The following NEK1 variants were observed in gnomAD, a reference collection of about 807,000 sequenced individuals.
The protein encoded by NEK1 is NIMA related kinase 1.
A neutral mutation model predicts 182.1 loss-of-function variants in NEK1; 137 were observed. The observed-to-expected ratio is 0.75, with a 90% CI of 0.65 to 0.87. NEK1 has a LOEUF of 0.87. Ranked by LOEUF, NEK1 falls within the 40% of genes least tolerant of loss-of-function variation. The pLI is 0.00. For missense variants in NEK1, 1,391 were observed against 1,494.4 expected (o/e 0.93, Z 1.14); for synonymous variants, 513 against 492.2 (o/e 1.04, Z -0.56).
chr4:169,470,973 A>G (rs1328225721), intron 26 of NEK1, among the ~76,000 whole-genome samples: 2 of 152,120 alleles, frequency 1.3e-5, no homozygotes, highest in African/African-American at 4.8e-5. Flanking sequence ...CAGCTCCATC[A>G]GGTAATTTAT....
At chr4:169,556,360 T>C (rs371869063) in intron 16 of NEK1, among the ~76,000 whole-genome samples, 5 of 152,230 alleles carry the variant, frequency 3.3e-5, no homozygotes, top group African/African-American at 4.8e-5. Context: ...CATGTAAATA[T>C]GGAAAAATTT....
chr4:169,445,257 G>GAAACAA (rs778720908), intron 27 of NEK1, among the ~76,000 whole-genome samples: 22 of 151,988 alleles, frequency 1.4e-4, no homozygotes, highest in Non-Finnish European at 2.8e-4. Context: ...TGTCACTACT[G>GAAACAA]AAACAAAAAC....
intron 31 of NEK1, among the ~76,000 whole-genome samples, chr4:169,408,862 C>A (rs944345159): frequency 4.6e-5 from 7 of 152,148 alleles, no homozygotes; most frequent in African/African-American, 1.7e-4. Flanking sequence ...TTTCTTTATT[C>A]ACTCGTTGGT....
intron 12 of NEK1, among the ~76,000 whole-genome samples, chr4:169,569,308 A>T (rs1337107929): frequency 1.3e-5 from 2 of 152,214 alleles, no homozygotes; most frequent in Non-Finnish European, 2.9e-5. Flanking sequence ...TAATAATTGT[A>T]CATATTTATG....
At chr4:169,465,063 A>G (rs1018211740) in intron 26 of NEK1, among the ~76,000 whole-genome samples, 1 of 152,142 alleles carries the variant, frequency 6.6e-6, no homozygotes, top group East Asian at 1.9e-4. Context: ...AACCTAATAC[A>G]TATTGATACA....
intron 23 of NEK1, among the ~76,000 whole-genome samples, chr4:169,494,258 C>A (rs931638513): frequency 6.6e-6 from 1 of 152,146 alleles, no homozygotes; most frequent in Non-Finnish European, 1.5e-5. Context: ...CTACCCCCAC[C>A]CCACAACAGG....
intron 19 of NEK1, among the ~76,000 whole-genome samples, chr4:169,535,880 CAA>C (rs58257441): frequency 8.2e-5 from 7 of 84,934 alleles, no homozygotes; most frequent in Admixed American, 1.3e-4. Flanking sequence ...AACTCCGTGT[CAA>C]AAAAAAAAAA....
chr4:169,499,095 T>C (rs923151050), intron 23 of NEK1, among the ~76,000 whole-genome samples: 1 of 152,200 alleles, frequency 6.6e-6, no homozygotes, highest in Non-Finnish European at 1.5e-5. Context: ...TTGGAGGCTT[T>C]GTTTGTTTCT....
At chr4:169,588,019 C>T (rs992621579) in intron 8 of NEK1, among the ~76,000 whole-genome samples, 6 of 151,774 alleles carry the variant, frequency 4.0e-5, no homozygotes, top group African/African-American at 1.5e-4. Context: ...CTAATGTTAC[C>T]TTGGTTGGGA....
chr4:169,457,322 C>G (rs1005727187), intron 27 of NEK1, among the ~76,000 whole-genome samples: 7 of 151,734 alleles, frequency 4.6e-5, no homozygotes, highest in Non-Finnish European at 7.4e-5. Flanking sequence ...CTCATGTACC[C>G]AATAAATATA....
chr4:169,433,054 C>G (rs555630152), intron 29 of NEK1, among the ~76,000 whole-genome samples: 4 of 151,232 alleles, frequency 2.6e-5, no homozygotes, highest in African/African-American at 4.9e-5. Context: ...TGTGAACCAC[C>G]GTGCCTGGCC....
chr4:169,600,296 C>T (rs892782969), intron 4 of NEK1, among the ~76,000 whole-genome samples: 7 of 151,930 alleles, frequency 4.6e-5, no homozygotes, highest in Non-Finnish European at 8.8e-5. Flanking sequence ...CTCAAGCAAA[C>T]CTCCCACCTT....
At chr4:169,403,281 A>C (rs897377532) in intron 32 of NEK1, among the ~76,000 whole-genome samples, 1 of 152,016 alleles carries the variant, frequency 6.6e-6, no homozygotes, top group African/African-American at 2.4e-5. Context: ...TACAAGACTA[A>C]TTTAGGCTGG....
rs183394682 is a variant in NEK1, at chr4:169,594,337, T to A, written c.313-3528A>T. ...GCTCAGTTTTGATGGGTTTATGCAT[T>A]AATTTTTTAAAGGCATGAGCTTTTA... On this transcript the variant is annotated intron_variant, in intron 5 of 35. Coordinates refer to ENST00000507142, the MANE Select transcript of NEK1 (RefSeq NM_001199397.3). Among the ~76,000 whole-genome samples, 104 of 152,310 alleles carry A rather than the reference T, an allele frequency of 6.8e-4. 1 individual carries two copies. The highest frequency in any genetic ancestry group is 2.4e-3 in the African/African-American group (101 of 41,566).
chr4:169,467,316 C>T (rs557070213), intron 26 of NEK1, among the ~76,000 whole-genome samples: 10 of 152,110 alleles, frequency 6.6e-5, no homozygotes, highest in African/African-American at 1.9e-4. Context: ...CCCCAACCCC[C>T]GTATTATTCA....
chr4:169,539,886 T>C (rs1020397461), intron 18 of NEK1, among the ~76,000 whole-genome samples: 6 of 152,136 alleles, frequency 3.9e-5, no homozygotes, highest in African/African-American at 1.4e-4. Context: ...CATCTTAAGA[T>C]GCTTTCTGTG....
At chr4:169,560,134 C>T (rs1762700420) in intron 16 of NEK1, among the ~76,000 whole-genome samples, 1 of 152,182 alleles carries the variant, frequency 6.6e-6, no homozygotes, top group Non-Finnish European at 1.5e-5. Context: ...TATTTATAAT[C>T]TCAGTTCCCC....
intron 23 of NEK1, among the ~76,000 whole-genome samples, chr4:169,499,216 G>A (rs113954628): frequency 2.3e-4 from 35 of 152,190 alleles, no homozygotes; most frequent in African/African-American, 5.5e-4. Flanking sequence ...TTGTGCATTC[G>A]TCACGTAGTT....
chr4:169,439,845 CTTTTTT>C (rs33985502), intron 27 of NEK1, among the ~76,000 whole-genome samples: 5 of 116,384 alleles, frequency 4.3e-5, no homozygotes, highest in Admixed American at 8.8e-5. Context: ...GTTAGGGTAT[CTTTTTT>C]TTTTTTTTTT....
Sources: allele counts gnomAD v4.1 joint callset (sites outside exome capture counted in the v4.1 genomes callset), GRCh38; gene constraint gnomAD v4.1.1; transcripts MANE v1.5; gene names NCBI Gene and HGNC (gene_info 2026-07-23, HGNC 2026-07-21).